EMC1: variants seen among roughly 807,000 people sequenced by gnomAD.
EMC1 encodes KIAA0090.
A neutral mutation model predicts 128.8 loss-of-function variants in EMC1; 103 were observed. The observed-to-expected ratio is 0.80, with a 90% confidence interval of 0.68 to 0.94. The LOEUF is 0.94. Among genes scored for constraint, EMC1 ranks in the 40% least tolerant of loss-of-function variants. The pLI is 0.00. For missense variants in EMC1, 1,083 were observed against 1,250.6 expected (o/e 0.87, Z 2.02); for synonymous variants, 442 against 490.4 (o/e 0.90, Z 1.30).
intron 6 of EMC1, 32 bp from the exon 7 acceptor site, chr1:19,240,478 G>T: frequency 1.2e-6 from 2 of 1,611,850 alleles, no homozygotes; most frequent in Non-Finnish European, 1.7e-6. Context: ...CAGGAAGCTC[G>T]TGAAAGATTT....
Position 19,251,515 on chromosome 1 carries a change from G to C in EMC1, c.-6C>G, listed in dbSNP as rs751244519. On this transcript the variant is annotated 5_prime_UTR_variant, in exon 1 of 23. Coordinates refer to ENST00000477853, the MANE Select transcript of EMC1 (RefSeq NM_015047.3). ...GAAGCCCACTCAGCCGCCATGATGCGAGCGCATGCACCACCCACCGCCGTC... is the reference window on the plus strand; with the variant it reads ...GAAGCCCACTCAGCCGCCATGATGCCAGCGCATGCACCACCCACCGCCGTC... The C allele has an allele frequency of 6.2e-7, 1 of 1,613,730 alleles. No individual in the cohort carries two copies. The highest frequency in any genetic ancestry group is 2.2e-5 in the East Asian group (1 of 44,894).
chr1:19,223,011 G>A (rs1055260974), intron 19 of EMC1, 177 bp from the exon 20 acceptor site: 5 of 587,304 alleles, frequency 8.5e-6, no homozygotes, highest in Non-Finnish European at 1.5e-5. Flanking sequence ...GTTTTATCTA[G>A]GCTATCGAAA....
At chr1:19,223,220 A>G (rs913142370) in intron 19 of EMC1, among the ~76,000 whole-genome samples, 176 bp downstream of exon 19, 5 of 152,220 alleles carry the variant, frequency 3.3e-5, no homozygotes, top group African/African-American at 1.2e-4. Flanking sequence ...GGAAGAGGTA[A>G]GATTAAACCT....
intron 1 of EMC1, among the ~76,000 whole-genome samples, chr1:19,245,658 C>G (rs1350382537): frequency 8.7e-6 from 1 of 115,140 alleles, no homozygotes; most frequent in East Asian, 3.8e-4. Flanking sequence ...AAGTCTCACT[C>G]TTGTCCCCCA....
intron 1 of EMC1, among the ~76,000 whole-genome samples, chr1:19,250,372 A>C (rs894170805): frequency 6.6e-6 from 1 of 152,160 alleles, no homozygotes; most frequent in African/African-American, 2.4e-5. Flanking sequence ...ATGAAAATAA[A>C]ATTAAGAAAA....
rs1474241986 is a variant in EMC1, at chr1:19,219,136, T to C, written c.*167A>G. The C allele has an allele frequency of 1.1e-5, 7 of 626,656 alleles. No individual in the cohort carries two copies. Among genetic ancestry groups the C allele is most frequent in the South Asian group, 5.8e-5 (3 of 51,420 alleles). The allele number at this position is 626,656 out of a possible 1,614,324, so 38.8% of individuals were successfully genotyped here. A position where few individuals can be genotyped will look rare whatever the true frequency, so the allele number is the denominator to read the frequency against. Reference sequence around the variant, plus strand: ...TCCATGTAGGATCCTTTCTGCATCATGTATATCCCAAAAGGAGTTCTGCGT... The same window carrying C: ...TCCATGTAGGATCCTTTCTGCATCACGTATATCCCAAAAGGAGTTCTGCGT... On this transcript the variant is annotated 3_prime_UTR_variant, in exon 23 of 23. Transcript: ENST00000477853.
At position 19,237,151 on chromosome 1, in the gene EMC1, G is replaced by A; in HGVS notation, c.1300C>T (p.Gln434Ter). 1 of 1,613,406 alleles carries A rather than the reference G, an allele frequency of 6.2e-7. No individual in the cohort carries two copies. Among genetic ancestry groups the A allele is most frequent in the East Asian group, 2.2e-5 (1 of 44,872 alleles). ...AATGAGGTCTACTTACCCAACTGCT[G>A]CAGGAAAAGTAGCAGATGATCCTCT... ...QTEDHLLLFL[Q>*]QLAGKVVLWS... The change falls in exon 12 of 23, where the codon CAG becomes TAG. Residue 434 changes from glutamine (Q) to a stop codon, truncating the protein, a stop_gained. Coordinates refer to ENST00000477853, the MANE Select transcript of EMC1 (RefSeq NM_015047.3). LOFTEE classifies it high-confidence loss of function.
At position 19,223,415 on chromosome 1, in the gene EMC1, T is replaced by C. The variant is rs748698473; in HGVS notation, c.2357A>G (p.His786Arg). The change falls in exon 19 of 23, where the codon CAT becomes CGT. Residue 786 changes from histidine (H) to arginine (R), a missense_variant. Around this residue, in one of 3 missense-constraint regions of EMC1, gnomAD observed 527 missense variants for 644.1 expected, o/e 0.82. Coordinates refer to ENST00000477853, the MANE Select transcript of EMC1 (RefSeq NM_015047.3). ...KKAKGPVHIV[H>R]SENWVVYQYW... Reference sequence around the variant, plus strand: ...GCTTACCACCACCCAGTTCTCTGAATGCACGATATGGACAGGGCCTTTGGC... The same window carrying C: ...GCTTACCACCACCCAGTTCTCTGAACGCACGATATGGACAGGGCCTTTGGC... 1 of 1,614,130 alleles carries C rather than the reference T, an allele frequency of 6.2e-7. No homozygotes were observed. Among genetic ancestry groups the C allele is most frequent in the South Asian group, 1.1e-5 (1 of 91,072 alleles).
chr1:19,241,345 A>G (rs1173428853), intron 5 of EMC1, among the ~76,000 whole-genome samples: 1 of 152,178 alleles, frequency 6.6e-6, no homozygotes, highest in Admixed American at 6.5e-5. Flanking sequence ...ATACTTCACA[A>G]TCAGATTTCT....
At chr1:19,221,456 T>G (rs1331144993) in intron 20 of EMC1, 1 of 149,322 alleles carries the variant, frequency 6.7e-6, no homozygotes, top group Non-Finnish European at 1.5e-5. Context: ...GCCAACATGG[T>G]GAAACTCCGT....
Position 19,243,789 on chromosome 1 carries a change from C to T in EMC1, c.287-82G>A, listed in dbSNP as rs2093619081. The T allele has an allele frequency of 8.7e-6, 13 of 1,490,490 alleles. No individual in the cohort carries two copies. In the African/African-American group the frequency reaches 9.7e-5, roughly 11 times the overall value. The allele number at this position is 1,490,490 out of a possible 1,614,324, so 92.3% of individuals were successfully genotyped here. On this transcript the variant is annotated intron_variant, in intron 3 of 22. Coordinates refer to ENST00000477853, the MANE Select transcript of EMC1 (RefSeq NM_015047.3). Reference sequence around the variant, plus strand: ...GGTCCCACTGTGAGCAGTGGCCTCACCTCTGATTTCTGGATGCAAATACAT... The same window carrying T: ...GGTCCCACTGTGAGCAGTGGCCTCATCTCTGATTTCTGGATGCAAATACAT...
At chr1:19,223,002 T>C (rs1571974714) in intron 19 of EMC1, 168 bp from the exon 20 acceptor site, 5 of 601,964 alleles carry the variant, frequency 8.3e-6, no homozygotes, top group Non-Finnish European at 1.2e-5. Flanking sequence ...TTCAAAGTAG[T>C]TTTATCTAGG....
At chr1:19,225,182 A>G (rs1421551523) in intron 18 of EMC1, among the ~76,000 whole-genome samples, 6 of 152,182 alleles carry the variant, frequency 3.9e-5, no homozygotes, top group Non-Finnish European at 7.3e-5. Context: ...TTTATATCCC[A>G]GTGTCTAAAT....
intron 12 of EMC1, among the ~76,000 whole-genome samples, chr1:19,236,692 G>C (rs1368305863): frequency 1.3e-5 from 2 of 148,694 alleles, no homozygotes; most frequent in East Asian, 4.0e-4. Context: ...GACAGGCCAG[G>C]CACGGTGGCT....
intron 19 of EMC1, among the ~76,000 whole-genome samples, 186 bp downstream of exon 19, chr1:19,223,210 G>A (rs183258276): frequency 2.2e-4 from 33 of 152,306 alleles, no homozygotes; most frequent in Middle Eastern, 3.4e-3. Context: ...GTCAGGAAAC[G>A]GAAGAGGTAA....
At position 19,235,256 on chromosome 1, in the gene EMC1, C is replaced by A; in HGVS notation, c.1310-4G>T. 1.2e-6 allele frequency: 2 copies of A among 1,610,914 alleles called. No individual in the cohort carries two copies. Among genetic ancestry groups the A allele is most frequent in the Non-Finnish European group, 1.7e-6 (2 of 1,178,364 alleles). On this transcript the variant is annotated splice_region_variant and splice_polypyrimidine_tract_variant and intron_variant, in intron 12 of 22. Coordinates refer to ENST00000477853, the MANE Select transcript of EMC1 (RefSeq NM_015047.3). ...CTCCACAGCACCACCTTCCCTGCTA[C>A]AGGAAACATTTTTACAAAGCTAAGC...
chr1:19,248,741 A>C (rs937608125), intron 1 of EMC1, among the ~76,000 whole-genome samples: 2 of 151,352 alleles, frequency 1.3e-5, no homozygotes, highest in Admixed American at 1.3e-4. Context: ...GAACTCCTGG[A>C]CTCAAGCCAT....
At position 19,239,230 on chromosome 1, in the gene EMC1, C is replaced by A. The variant is rs2093588528; in HGVS notation, c.1026+1G>T. 2.5e-6 allele frequency: 4 copies of A among 1,613,318 alleles called. No homozygotes were observed. The highest frequency in any genetic ancestry group is 3.4e-6 in the Non-Finnish European group (4 of 1,179,272). On this transcript the variant is annotated splice_donor_variant, in intron 9 of 22. Coordinates refer to ENST00000477853, the MANE Select transcript of EMC1 (RefSeq NM_015047.3). LOFTEE classifies it high-confidence loss of function. Reference sequence around the variant, plus strand: ...TGCTGACTGTTGTTCTCAATACTCACCACTTCATTCCGACAGGCCATGACT... The same window carrying A: ...TGCTGACTGTTGTTCTCAATACTCAACACTTCATTCCGACAGGCCATGACT...
rs375071126 is a variant in EMC1 at position 19,237,270 on chromosome 1, G to A, written c.1213-32C>T. On this transcript the variant is annotated intron_variant, in intron 11 of 22. Transcript: ENST00000477853. ...GCCACAGTCAAGACCGGTGTAGTCAGTGAGGATCCAAATGCCTCTGAGAGC... is the reference window on the plus strand; with the variant it reads ...GCCACAGTCAAGACCGGTGTAGTCAATGAGGATCCAAATGCCTCTGAGAGC... 56 of 1,534,414 alleles carry A rather than the reference G, an allele frequency of 3.6e-5. No individual in the cohort carries two copies. The African/African-American group carries it at 7.1e-4, about 19-fold the overall frequency.
Sources: gnomAD v4.1 joint callset for allele counts (sites outside exome capture counted in the v4.1 genomes callset) on GRCh38, gnomAD v4.1.1 for gene constraint, gnomAD v4.1.1 regional missense constraint, MANE v1.5 for transcripts, NCBI Gene and HGNC (gene_info 2026-07-23, HGNC 2026-07-21) for gene names.